Variants in AADACL2 observed in about 807,000 individuals in gnomAD.
The protein encoded by AADACL2 is arylacetamide deacetylase like 2, also known as arylacetamide deacetylase-like 2.
In AADACL2, 23 loss-of-function variants were observed where a neutral mutation model predicts 22.3. The observed-to-expected ratio is 1.03, with a 90% CI of 0.74 to 1.46. AADACL2 has a LOEUF of 1.46. Among genes scored for constraint, AADACL2 ranks in the 40% most tolerant of loss-of-function variants. The pLI is 0.00. For synonymous variants in AADACL2, 177 were observed against 166.2 expected, an observed-to-expected ratio of 1.07 and a Z score of -0.50; for missense variants, 472 against 482.9, an observed-to-expected ratio of 0.98 and a Z score of 0.21.
intron 4 of AADACL2, among the ~76,000 whole-genome samples, chr3:151,754,590 G>C (rs562252657): frequency 6.6e-6 from 1 of 152,200 alleles, no homozygotes; most frequent in South Asian, 2.1e-4. Flanking sequence ...AAAGTTCATT[G>C]TTGAAAAAGA....
chr3:151,746,305 C>T (rs1386260215), intron 4 of AADACL2, among the ~76,000 whole-genome samples: 2 of 149,450 alleles, frequency 1.3e-5, no homozygotes, highest in Non-Finnish European at 3.0e-5. Flanking sequence ...TTGATATTGG[C>T]CTTTTCCCAT....
chr3:151,746,412 G>A (rs1713449806), intron 4 of AADACL2, among the ~76,000 whole-genome samples: 1 of 146,394 alleles, frequency 6.8e-6, no homozygotes, highest in South Asian at 2.1e-4. Flanking sequence ...TTTCAATGAC[G>A]AGAGACAGTT....
Position 151,745,593 on chromosome 3 carries a change from T to C in AADACL2, c.516T>C (p.Ile172=). Reference sequence around the variant, plus strand: ...TCAAATTTTTTCTTTTGGAAAAAATTCTTACAAAATATGGAGTGGATCCCA... The same window carrying C: ...TCAAATTTTTTCTTTTGGAAAAAATCCTTACAAAATATGGAGTGGATCCCA... ...AAVKFFLLEK[I]LTKYGVDPTR... The change falls in exon 4 of 5, where the codon ATT becomes ATC. Residue 172 remains isoleucine (I), a synonymous_variant. Coordinates refer to ENST00000356517, the MANE Select transcript of AADACL2 (RefSeq NM_207365.4). The C allele has an allele frequency of 6.2e-7, 1 of 1,613,836 alleles. No individual in the cohort carries two copies. The highest frequency in any genetic ancestry group is 8.5e-7 in the Non-Finnish European group (1 of 1,179,878).
rs1713830382 is a variant in AADACL2 at position 151,754,843 on chromosome 3, T to G, written c.604-2149T>G. 4.6e-5 allele frequency among the ~76,000 whole-genome samples: 7 copies of G among 152,220 alleles called. No individual in the cohort carries two copies. The South Asian group carries it at 1.5e-3, about 32-fold the overall frequency. On this transcript the variant is annotated intron_variant, in intron 4 of 4. Coordinates refer to ENST00000356517, the MANE Select transcript of AADACL2 (RefSeq NM_207365.4). The stretch of plus-strand genomic sequence containing the variant: ...AACATCCTGAGATGAATGTCACATT[T>G]TTTTGCACTCAAGTACATATCAGTT...
Position 151,739,169 on chromosome 3 carries a change from T to A in AADACL2, c.139-1477T>A, listed in dbSNP as rs1713193335. ...ATCTTTGAGGCTGATAACCTTTGGA[T>A]GGAGTTTTTGTGTGGGGGTCCTTTT... On this transcript the variant is annotated intron_variant, in intron 1 of 4. Transcript: ENST00000356517. Among the ~76,000 whole-genome samples the A allele has an allele frequency of 2.0e-5, 3 of 152,320 alleles. No homozygotes were observed. The South Asian group carries it at 6.2e-4, about 32-fold the overall frequency.
intron 2 of AADACL2, among the ~76,000 whole-genome samples, chr3:151,742,780 G>GT (rs1713321479): frequency 6.6e-6 from 1 of 152,116 alleles, no homozygotes. Flanking sequence ...CTTGAAAGCG[G>GT]TATCTAACAG....
Position 151,757,213 on chromosome 3 carries a change from A to G in AADACL2, c.825A>G (p.Arg275=), listed in dbSNP as rs768447100. The G allele has an allele frequency of 1.1e-5, 18 of 1,613,588 alleles. No homozygotes were observed. In the Middle Eastern group the frequency reaches 4.9e-4, roughly 44 times the overall value. ...RRNQHMPLES[R]HLFKFVNWSI... ...ACCAACACATGCCTCTGGAGTCAAGACATCTGTTTAAGTTTGTTAACTGGA... is the reference window on the plus strand; with the variant it reads ...ACCAACACATGCCTCTGGAGTCAAGGCATCTGTTTAAGTTTGTTAACTGGA... The change falls in exon 5 of 5, where the codon AGA becomes AGG. Residue 275 remains arginine, a synonymous_variant. Coordinates refer to ENST00000356517, the MANE Select transcript of AADACL2 (RefSeq NM_207365.4).
At chr3:151,735,415 C>T (rs1560279996) in intron 1 of AADACL2, among the ~76,000 whole-genome samples, 1 of 151,858 alleles carries the variant, frequency 6.6e-6, no homozygotes, top group Non-Finnish European at 1.5e-5. Context: ...GCAGACTTGG[C>T]TTTGACATTT....
rs1440436960 is a variant in AADACL2 at position 151,738,806 on chromosome 3, T to C, written c.139-1840T>C. On this transcript the variant is annotated intron_variant, in intron 1 of 4. Coordinates refer to ENST00000356517, the MANE Select transcript of AADACL2 (RefSeq NM_207365.4). The stretch of plus-strand genomic sequence containing the variant: ...TGATTGAGCTATTGATACTTGTATA[T>C]GCCTCACGAAGTTCTTGTGCTGTGT... 2.0e-5 allele frequency among the ~76,000 whole-genome samples: 3 copies of C among 152,368 alleles called. No individual in the cohort carries two copies. In the East Asian group the frequency reaches 5.8e-4, roughly 29 times the overall value.
rs145198761 is a variant in AADACL2 at position 151,758,610 on chromosome 3, A to G, written c.*1016A>G. 6.6e-6 allele frequency: 1 copy of G among 152,252 alleles called. No individual in the cohort carries two copies. Among genetic ancestry groups the G allele is most frequent in the Non-Finnish European group, 1.5e-5 (1 of 67,982 alleles). 9.4% of individuals were successfully genotyped at this position (152,252 alleles called of 1,614,324 possible). On this transcript the variant is annotated 3_prime_UTR_variant, in exon 5 of 5. Coordinates refer to ENST00000356517, the MANE Select transcript of AADACL2 (RefSeq NM_207365.4). Reference sequence around the variant, plus strand: ...TGAAGAACATTTGAGTATGGACTAGAAAAGCTTCTCCAAAAAACTTTCAAA... The same window carrying G: ...TGAAGAACATTTGAGTATGGACTAGGAAAGCTTCTCCAAAAAACTTTCAAA...
At chr3:151,753,550 T>C (rs977546) in intron 4 of AADACL2, among the ~76,000 whole-genome samples, 3 of 152,028 alleles carry the variant, frequency 2.0e-5, no homozygotes, top group South Asian at 2.1e-4. Flanking sequence ...TTGTGTATTG[T>C]TGGAATCAAG....
At chr3:151,740,530 TC>T in intron 1 of AADACL2, 115 bp from the exon 2 acceptor site, 2 of 658,710 alleles carry the variant, frequency 3.0e-6, no homozygotes, top group Non-Finnish European at 5.0e-6. Context: ...TTTTAAATAG[TC>T]TATTTCTTTT....
intron 1 of AADACL2, among the ~76,000 whole-genome samples, chr3:151,737,415 G>A (rs1713126653): frequency 6.6e-6 from 1 of 151,954 alleles, no homozygotes; most frequent in Admixed American, 6.6e-5. Flanking sequence ...GTGCTATATG[G>A]TGCTGAGAAG....
chr3:151,739,470 G>A, intron 1 of AADACL2, among the ~76,000 whole-genome samples: 1 of 152,218 alleles, frequency 6.6e-6, no homozygotes, highest in East Asian at 1.9e-4. Context: ...AGGAGGCACA[G>A]GGGTCAGCGA....
At chr3:151,736,713 C>T (rs1713101194) in intron 1 of AADACL2, among the ~76,000 whole-genome samples, 1 of 152,142 alleles carries the variant, frequency 6.6e-6, no homozygotes, top group South Asian at 2.1e-4. Context: ...TTTTCTTTAT[C>T]TATTCTATCA....
intron 1 of AADACL2, 124 bp downstream of exon 1, chr3:151,734,297 G>C: frequency 9.0e-7 from 1 of 1,106,732 alleles, no homozygotes; most frequent in Non-Finnish European, 1.2e-6. Flanking sequence ...TTGCTTGTTT[G>C]AGTAAATTAA....
chr3:151,752,133 G>GC (rs149813903), intron 4 of AADACL2, among the ~76,000 whole-genome samples: 28,762 of 151,930 alleles, frequency 0.19, 2,816 homozygotes, highest in East Asian at 0.27. Flanking sequence ...TTTATTACCT[G>GC]TACTGTGTTT....
Position 151,757,732 on chromosome 3 carries a change from G to A in AADACL2, c.*138G>A. The stretch of plus-strand genomic sequence containing the variant: ...TTTGTAGCAGTTAATGTGTGTCCTT[G>A]AAGAGTTATTAAATTTTCTGACTTG... On this transcript the variant is annotated 3_prime_UTR_variant, in exon 5 of 5. Coordinates refer to ENST00000356517, the MANE Select transcript of AADACL2 (RefSeq NM_207365.4). The A allele has an allele frequency of 9.0e-7, 1 of 1,110,016 alleles. No homozygotes were observed. The highest frequency in any genetic ancestry group is 1.9e-5 in the South Asian group (1 of 52,510). 68.8% of individuals were successfully genotyped at this position (1,110,016 alleles called of 1,614,324 possible). A position where few individuals can be genotyped will look rare whatever the true frequency, so the allele number is the denominator to read the frequency against.
At chr3:151,741,361 T>A (rs999804525) in intron 2 of AADACL2, among the ~76,000 whole-genome samples, 1 of 152,124 alleles carries the variant, frequency 6.6e-6, no homozygotes, top group Non-Finnish European at 1.5e-5. Context: ...AATAGTACTA[T>A]GTAATAATAA....
Sources: allele counts gnomAD v4.1 joint callset (sites outside exome capture counted in the v4.1 genomes callset), GRCh38; gene constraint gnomAD v4.1.1; transcripts MANE v1.5; gene names NCBI Gene and HGNC (gene_info 2026-07-23, HGNC 2026-07-21).